The following REDIC1 variants were observed in gnomAD, a reference collection of about 807,000 sequenced individuals.
REDIC1 encodes regulator of DNA class I crossover intermediates 1.
At chr12:39,630,218 G>A in the REDIC1 span, among the ~76,000 whole-genome samples, 1 of 152,180 alleles carries the variant, frequency 6.6e-6, no homozygotes, top group Non-Finnish European at 1.5e-5. Context: ...TATGAAGGTG[G>A]TAGTAAGAAA....
At chr12:39,902,643 T>C in the REDIC1 span, among the ~76,000 whole-genome samples, 1 of 152,262 alleles carries the variant, frequency 6.6e-6, no homozygotes, top group African/African-American at 2.4e-5. Flanking sequence ...AGTTTGAACA[T>C]TTCAGTGGTA....
the REDIC1 span, among the ~76,000 whole-genome samples, chr12:39,763,056 G>T: frequency 6.6e-6 from 1 of 151,896 alleles, no homozygotes; most frequent in South Asian, 2.1e-4. Flanking sequence ...CATATACTTA[G>T]GTCTTCAAAT....
chr12:39,703,458 T>C, the REDIC1 span, among the ~76,000 whole-genome samples: 1 of 150,060 alleles, frequency 6.7e-6, no homozygotes, highest in Non-Finnish European at 1.5e-5. Context: ...TGGAAGAACA[T>C]TCCATGCTCA....
chr12:39,686,156 G>T, the REDIC1 span, among the ~76,000 whole-genome samples: 1 of 152,156 alleles, frequency 6.6e-6, no homozygotes, highest in Non-Finnish European at 1.5e-5. Flanking sequence ...GAAGGATGGC[G>T]GTCTTCTTCT....
the REDIC1 span, among the ~76,000 whole-genome samples, chr12:39,822,180 T>C: frequency 6.6e-5 from 10 of 151,540 alleles, no homozygotes; most frequent in Non-Finnish European, 1.2e-4. Context: ...TTTGGTTTTT[T>C]CTTCTTGCGA....
At chr12:39,902,937 A>AT in the REDIC1 span, among the ~76,000 whole-genome samples, 1 of 152,112 alleles carries the variant, frequency 6.6e-6, no homozygotes, top group African/African-American at 2.4e-5. Flanking sequence ...TGAGTTGCAC[A>AT]CAAACTGTTG....
chr12:39,630,246 G>T, the REDIC1 span, among the ~76,000 whole-genome samples: 3 of 152,316 alleles, frequency 2.0e-5, no homozygotes, highest in South Asian at 6.2e-4. Flanking sequence ...CATATAACCA[G>T]ACTTTGGTCT....
At chr12:39,715,779 C>G in the REDIC1 span, among the ~76,000 whole-genome samples, 1 of 151,866 alleles carries the variant, frequency 6.6e-6, no homozygotes, top group Non-Finnish European at 1.5e-5. Context: ...ATTCAGTGGA[C>G]AAATTTCTTC....
At chr12:39,863,760 C>T in the REDIC1 span, among the ~76,000 whole-genome samples, 1 of 152,090 alleles carries the variant, frequency 6.6e-6, no homozygotes, top group Non-Finnish European at 1.5e-5. Context: ...TGCCTATTTT[C>T]CAAAGGCACA....
the REDIC1 span, among the ~76,000 whole-genome samples, chr12:39,661,428 A>C: frequency 6.6e-6 from 1 of 151,834 alleles, no homozygotes; most frequent in East Asian, 1.9e-4. Flanking sequence ...TTTTTTTTAA[A>C]TATACCTTTT....
chr12:39,644,516 TA>T, the REDIC1 span, among the ~76,000 whole-genome samples: 1 of 151,784 alleles, frequency 6.6e-6, no homozygotes, highest in Non-Finnish European at 1.5e-5. Flanking sequence ...AAACAACTGC[TA>T]AAAATGAGAG....
the REDIC1 span, chr12:39,683,534 G>T: frequency 1.5e-6 from 2 of 1,377,646 alleles, no homozygotes; most frequent in Admixed American, 3.7e-5. Context: ...CTAGTATGAT[G>T]CATGATGAAT....
chr12:39,660,954 G>T, the REDIC1 span, among the ~76,000 whole-genome samples: 1 of 151,912 alleles, frequency 6.6e-6, no homozygotes, highest in African/African-American at 2.4e-5. Context: ...TTCACTTCCA[G>T]TTCCACCCAT....
At chr12:39,713,262 A>ATATATGTGTACACACACATACGTGTG in the REDIC1 span, among the ~76,000 whole-genome samples, 1 of 63,944 alleles carries the variant, frequency 1.6e-5, no homozygotes, top group Admixed American at 1.8e-4. Context: ...ACATACGTGT[A>ATATATGTGTACACACACATACGTGTG]TATATGTGTA....
the REDIC1 span, among the ~76,000 whole-genome samples, chr12:39,709,234 T>G: frequency 6.6e-6 from 1 of 151,592 alleles, no homozygotes. Context: ...GTGTTTTTTT[T>G]TTTTTTATTT....
the REDIC1 span, among the ~76,000 whole-genome samples, chr12:39,725,967 C>T: frequency 1.1e-4 from 16 of 152,034 alleles, no homozygotes; most frequent in Non-Finnish European, 2.9e-5. Flanking sequence ...GTGGACACAA[C>T]TGCACATCAG....
the REDIC1 span, among the ~76,000 whole-genome samples, chr12:39,741,946 C>T: frequency 5.3e-4 from 81 of 152,288 alleles, no homozygotes; most frequent in Middle Eastern, 3.4e-3. Flanking sequence ...CCTTGCATGG[C>T]TTAGGTCTTG....
the REDIC1 span, among the ~76,000 whole-genome samples, chr12:39,650,915 C>T: frequency 2.0e-5 from 3 of 152,110 alleles, no homozygotes; most frequent in Non-Finnish European, 4.4e-5. This position sits in a 1 kb window ranked among gnomAD's most constrained non-coding sequence, Gnocchi z 4.3. Flanking sequence ...TTACTGTTTT[C>T]TTTTTCTGCA....
the REDIC1 span, among the ~76,000 whole-genome samples, chr12:39,889,656 C>T: frequency 6.6e-6 from 1 of 151,546 alleles, no homozygotes; most frequent in East Asian, 1.9e-4. Flanking sequence ...CCTCAGTCTC[C>T]TGAGTAGCTG....
Sources: gnomAD v4.1 joint callset for allele counts (sites outside exome capture counted in the v4.1 genomes callset) on GRCh38, gnomAD v4.1.1 for gene constraint, Gnocchi (gnomAD v3.1) non-coding constraint, MANE v1.5 for transcripts, NCBI Gene and HGNC (gene_info 2026-07-23, HGNC 2026-07-21) for gene names.